Variants in MDGA2 observed in about 807,000 individuals in gnomAD.
MDGA2 encodes the protein MAM domain-containing glycosylphosphatidylinositol anchor protein 2.
MDGA2 carries 40 observed loss-of-function variants against 117.8 expected under a neutral mutation model. That is an observed-to-expected ratio of 0.34 (90% CI 0.26 to 0.44). The LOEUF (loss-of-function observed/expected upper bound fraction) is 0.44, where lower values mean the gene tolerates loss of function less well. MDGA2 is among the 20% of genes least tolerant of loss of function. The probability of loss-of-function intolerance (pLI) is 1.00; values close to 1 mark genes in which losing one functional copy is unlikely to be tolerated. For synonymous variants in MDGA2, 452 were observed against 439.0 expected (o/e 1.03, Z -0.37); for missense variants, 1,123 against 1,250.6 (o/e 0.90, Z 1.54).
chr14:47,526,263 A>C lies in MDGA2; in HGVS notation c.280+148254T>G, dbSNP rs544804121. On this transcript the variant is annotated intron_variant, in intron 1 of 16. Coordinates refer to ENST00000399232, the MANE Select transcript of MDGA2 (RefSeq NM_001113498.3). ...AACCTGTTTATCAGCATGCCAGGTA[A>C]TTTTAAATGAATATTATAAATAGTA... Among the ~76,000 whole-genome samples, 199 of 152,230 alleles carry C rather than the reference A, an allele frequency of 1.3e-3. 1 individual carries two copies. The highest frequency in any genetic ancestry group is 4.5e-3 in the African/African-American group (187 of 41,542).
intron 1 of MDGA2, among the ~76,000 whole-genome samples, chr14:47,544,809 T>C (rs1445097429): frequency 6.6e-6 from 1 of 152,152 alleles, no homozygotes; most frequent in African/African-American, 2.4e-5. Flanking sequence ...AACCTGTAGA[T>C]ACCATGACAG....
intron 7 of MDGA2, among the ~76,000 whole-genome samples, chr14:47,060,068 C>T (rs1314474573): frequency 6.6e-6 from 1 of 151,992 alleles, no homozygotes; most frequent in African/African-American, 2.4e-5. Flanking sequence ...GCGCTAGCAC[C>T]AACGTTTAAA....
intron 14 of MDGA2, among the ~76,000 whole-genome samples, chr14:46,856,002 A>ATGGTAATGATATTAATGC (rs1457612830): frequency 6.6e-6 from 1 of 152,152 alleles, no homozygotes; most frequent in African/African-American, 2.4e-5. Flanking sequence ...GATATTAATG[A>ATGGTAATGATATTAATGC]TGATAATGAT....
chr14:47,435,775 G>A (rs1892884557), intron 1 of MDGA2, among the ~76,000 whole-genome samples: 1 of 152,060 alleles, frequency 6.6e-6, no homozygotes, highest in African/African-American at 2.4e-5. Flanking sequence ...TGTGATGGAT[G>A]ATTCCACTCC....
rs180803082 is a variant in MDGA2, at chr14:46,993,756, T to C, written c.1820-36113A>G. Among the ~76,000 whole-genome samples the C allele has an allele frequency of 1.1e-3, 172 of 152,292 alleles. 2 individuals carry two copies. Among genetic ancestry groups the C allele is most frequent in the African/African-American group, 3.9e-3 (161 of 41,578 alleles). Reference sequence around the variant, plus strand: ...GATTACAGGCGTGAGCCACTGCACCTGGCCCCTATGTTGTTCTTATATACT... The same window carrying C: ...GATTACAGGCGTGAGCCACTGCACCCGGCCCCTATGTTGTTCTTATATACT... On this transcript the variant is annotated intron_variant, in intron 8 of 16. Coordinates refer to ENST00000399232, the MANE Select transcript of MDGA2 (RefSeq NM_001113498.3).
chr14:47,054,390 T>G (rs1889589015), intron 7 of MDGA2, among the ~76,000 whole-genome samples: 1 of 151,792 alleles, frequency 6.6e-6, no homozygotes, highest in Non-Finnish European at 1.5e-5. Context: ...TTGTTACATA[T>G]GTACATGTGC....
chr14:47,031,350 A>G (rs1241587755), intron 8 of MDGA2, among the ~76,000 whole-genome samples: 1 of 152,092 alleles, frequency 6.6e-6, no homozygotes, highest in Non-Finnish European at 1.5e-5. Flanking sequence ...ATTGGACGCA[A>G]GTAAAACTAA....
At position 46,853,119 on chromosome 14, in the gene MDGA2, T is replaced by A. The variant is rs1481315028; in HGVS notation, c.2883+1905A>T. ...TATTAACTAAAGACATACAAATATT[T>A]TTTAAAAGATTCAAATTGAACTTAC... On this transcript the variant is annotated intron_variant, in intron 15 of 16. Transcript: ENST00000399232. Among the ~76,000 whole-genome samples the A allele has an allele frequency of 2.0e-5, 3 of 151,926 alleles. No individual in the cohort carries two copies. In the East Asian group the frequency reaches 5.8e-4, roughly 29 times the overall value.
chr14:47,207,610 A>T (rs774142445), intron 3 of MDGA2, among the ~76,000 whole-genome samples: 3 of 151,882 alleles, frequency 2.0e-5, no homozygotes, highest in Non-Finnish European at 4.4e-5. Context: ...TTTTTTTCAC[A>T]TATTCCCTTC....
chr14:47,578,597 A>C (rs906838332), intron 1 of MDGA2, among the ~76,000 whole-genome samples: 3 of 152,150 alleles, frequency 2.0e-5, no homozygotes, highest in Non-Finnish European at 4.4e-5. Context: ...TAAGTTTGCT[A>C]GTTTTACTAA....
At chr14:47,179,899 A>G (rs979520300) in intron 3 of MDGA2, among the ~76,000 whole-genome samples, 14 of 152,182 alleles carry the variant, frequency 9.2e-5, no homozygotes, top group African/African-American at 3.1e-4. Flanking sequence ...TAATTTGCCA[A>G]TATCTTCTTA....
chr14:47,352,411 A>G (rs200717368), intron 1 of MDGA2, among the ~76,000 whole-genome samples: 2 of 208 alleles, frequency 9.6e-3, no homozygotes, highest in African/African-American at 0.015. Flanking sequence ...CCTAGTTTTA[A>G]CCATCCTGAC....
chr14:47,563,828 T>C (rs371302262), intron 1 of MDGA2, among the ~76,000 whole-genome samples: 34 of 152,142 alleles, frequency 2.2e-4, no homozygotes, highest in Admixed American at 2.0e-3. Flanking sequence ...TGCAGACTTG[T>C]TTGTGTGGTT....
At chr14:47,608,954 T>C (rs991869736) in intron 1 of MDGA2, among the ~76,000 whole-genome samples, 1 of 152,028 alleles carries the variant, frequency 6.6e-6, no homozygotes, top group African/African-American at 2.4e-5. Flanking sequence ...GTTTTTGACC[T>C]GAGCAACTAA....
At chr14:47,671,580 T>A (rs1183592047) in intron 1 of MDGA2, among the ~76,000 whole-genome samples, 1 of 152,198 alleles carries the variant, frequency 6.6e-6, no homozygotes, top group Non-Finnish European at 1.5e-5. Flanking sequence ...TGAACCATGA[T>A]ACTAGAAAAC....
intron 1 of MDGA2, among the ~76,000 whole-genome samples, chr14:47,642,118 T>C (rs1897437292): frequency 6.6e-6 from 1 of 152,070 alleles, no homozygotes; most frequent in African/African-American, 2.4e-5. Context: ...CTTACAGATG[T>C]GAACTACTTT....
chr14:47,636,715 A>G (rs7143422), intron 1 of MDGA2, among the ~76,000 whole-genome samples: 148,221 of 149,120 alleles, frequency 0.99, 73,667 homozygotes, highest in Non-Finnish European at 1. Flanking sequence ...AACCCAGGAG[A>G]CGAAGGTTGC....
chr14:47,664,986 C>T (rs1040298229), intron 1 of MDGA2, among the ~76,000 whole-genome samples: 3 of 152,134 alleles, frequency 2.0e-5, no homozygotes, highest in African/African-American at 7.2e-5. Context: ...GAGTATCATA[C>T]AATAAAATTG....
At chr14:47,161,171 C>T (rs1225019350) in intron 3 of MDGA2, among the ~76,000 whole-genome samples, 1 of 152,002 alleles carries the variant, frequency 6.6e-6, no homozygotes, top group Non-Finnish European at 1.5e-5. Context: ...TAATGCTGTA[C>T]TAATTTACTT....
Sources: gnomAD v4.1 joint callset for allele counts (sites outside exome capture counted in the v4.1 genomes callset) on GRCh38, gnomAD v4.1.1 for gene constraint, MANE v1.5 for transcripts, NCBI Gene and HGNC (gene_info 2026-07-23, HGNC 2026-07-21) for gene names.